CNTNAP3B: variants seen among roughly 807,000 people sequenced by gnomAD.
CNTNAP3B encodes contactin-associated protein-like 3B.
Under a neutral mutation model 108.9 loss-of-function variants are expected in CNTNAP3B, and 25 were observed. That is an observed-to-expected ratio of 0.23 (90% CI 0.17 to 0.32). The LOEUF (loss-of-function observed/expected upper bound fraction) is 0.32, where lower values mean the gene tolerates loss of function less well. Among genes scored for constraint, CNTNAP3B ranks in the 10% least tolerant of loss-of-function variants. The probability of loss-of-function intolerance (pLI) is 1.00; values close to 1 mark genes in which losing one functional copy is unlikely to be tolerated. For synonymous variants in CNTNAP3B, 103 were observed against 473.4 expected (o/e 0.22, Z 10.16); for missense variants, 252 against 1,210.4 (o/e 0.21, Z 11.75).
At chr9:42,041,440 C>T (rs927634194) in intron 3 of CNTNAP3B, among the ~76,000 whole-genome samples, 3 of 151,150 alleles carry the variant, frequency 2.0e-5, no homozygotes, top group African/African-American at 7.4e-5. Context: ...TATGAACAGA[C>T]ACTTCTCAAA....
rs1260934781 is a variant in CNTNAP3B at position 42,011,703 on chromosome 9, G to A, written c.538+1675C>T. On this transcript the variant is annotated intron_variant, in intron 4 of 23. Transcript: ENST00000377561. ...GATATTATAAGTCATTATAAGCAACGTTCTAGAAAACAAGCAGGGCAGTGG... is the reference window on the plus strand; with the variant it reads ...GATATTATAAGTCATTATAAGCAACATTCTAGAAAACAAGCAGGGCAGTGG... The A allele has an allele frequency of 1.8e-4, 12 of 68,566 alleles. 2 individuals are homozygous for A. The East Asian group carries it at 7.3e-3, about 42-fold the overall frequency. 4.2% of individuals were successfully genotyped at this position (68,566 alleles called of 1,614,324 possible). A position where few individuals can be genotyped will look rare whatever the true frequency, so the allele number is the denominator to read the frequency against.
At chr9:41,927,683 A>G (rs1440480151) in intron 15 of CNTNAP3B, among the ~76,000 whole-genome samples, 4 of 152,096 alleles carry the variant, frequency 2.6e-5, no homozygotes, top group African/African-American at 9.7e-5. Context: ...GTAAAATAAG[A>G]GCTAAAATAT....
intron 10 of CNTNAP3B, among the ~76,000 whole-genome samples, chr9:41,964,925 G>A (rs62556402): frequency 0.011 from 1,666 of 152,028 alleles, no homozygotes; most frequent in South Asian, 0.042. Context: ...CATGTGGCTA[G>A]CAAAACCAAT....
chr9:42,113,869 T>G (rs1206952952), intron 1 of CNTNAP3B, among the ~76,000 whole-genome samples: 1 of 139,450 alleles, frequency 7.2e-6, no homozygotes, highest in East Asian at 2.2e-4. Flanking sequence ...TGCACTTATT[T>G]CACATTGCAT....
chr9:41,950,733 C>T (rs1373112682), intron 13 of CNTNAP3B, among the ~76,000 whole-genome samples: 1 of 141,668 alleles, frequency 7.1e-6, no homozygotes. Context: ...AGCAATAGAG[C>T]AATAGGAGGA....
Position 41,939,629 on chromosome 9 carries a change from T to G in CNTNAP3B, c.2081-1229A>C, listed in dbSNP as rs1824272057. On this transcript the variant is annotated intron_variant, in intron 13 of 23. Transcript: ENST00000377561. ...AAGATATTTTTAAAAATTAATACAC[T>G]CTTCTCGGAATGCCACTTTAAAAGT... Among the ~76,000 whole-genome samples, 17 of 152,378 alleles carry G rather than the reference T, an allele frequency of 1.1e-4. No homozygotes were observed. In the South Asian group the frequency reaches 3.5e-3, roughly 32 times the overall value.
intron 15 of CNTNAP3B, among the ~76,000 whole-genome samples, chr9:41,927,463 G>C (rs1823852073): frequency 6.6e-6 from 1 of 151,386 alleles, no homozygotes; most frequent in Admixed American, 6.6e-5. Flanking sequence ...AGAGAGGGAG[G>C]GAGGGAGTGG....
At chr9:41,939,498 A>C (rs1824266824) in intron 13 of CNTNAP3B, among the ~76,000 whole-genome samples, 1 of 145,248 alleles carries the variant, frequency 6.9e-6, no homozygotes, top group Non-Finnish European at 1.5e-5. Context: ...CCCTCTGCCA[A>C]AAAACAAAAA....
chr9:42,026,593 G>T (rs1344933123), intron 3 of CNTNAP3B, among the ~76,000 whole-genome samples: 1 of 87,542 alleles, frequency 1.1e-5, no homozygotes, highest in Non-Finnish European at 2.4e-5. Context: ...CTCCGTCTCA[G>T]GGAAAAAAAA....
Position 41,993,402 on chromosome 9 carries a change from G to A in CNTNAP3B, c.1072-1531C>T, listed in dbSNP as rs1310294048. The A allele has an allele frequency of 3.4e-5, 4 of 117,370 alleles. 2 individuals are homozygous for A. The highest frequency in any genetic ancestry group is 7.1e-5 in the Non-Finnish European group (4 of 56,522). The allele number at this position is 117,370 out of a possible 1,614,324, so 7.3% of individuals were successfully genotyped here. A position where few individuals can be genotyped will look rare whatever the true frequency, so the allele number is the denominator to read the frequency against. On this transcript the variant is annotated intron_variant, in intron 7 of 23. Coordinates refer to ENST00000377561, the MANE Select transcript of CNTNAP3B (RefSeq NM_001201380.3). ...ATAATCTTTAATACACATTCTAACT[G>A]TATACATCAATCAGAACATTTCTTC...
At chr9:41,913,975 A>T (rs1280166610) in intron 18 of CNTNAP3B, among the ~76,000 whole-genome samples, 1 of 40,470 alleles carries the variant, frequency 2.5e-5, no homozygotes, top group East Asian at 4.3e-4. Flanking sequence ...ACATTTGTAT[A>T]CAAGTATCTG....
chr9:42,087,291 C>T lies in CNTNAP3B; in HGVS notation c.197-10229G>A, dbSNP rs1156689334. Among the ~76,000 whole-genome samples the T allele has an allele frequency of 8.8e-5, 12 of 136,728 alleles. 2 individuals are homozygous for T. The highest frequency in any genetic ancestry group is 7.2e-4 in the Admixed American group (10 of 13,800). The allele number at this position is 136,728 out of a possible 152,430, so 89.7% of individuals were successfully genotyped here. On this transcript the variant is annotated intron_variant, in intron 2 of 23. Transcript: ENST00000377561. Reference sequence around the variant, plus strand: ...TGGAGAGACAGTCCACTTTAAGCAGCTTGCACTCCTACATGTTTTGTTGGG... The same window carrying T: ...TGGAGAGACAGTCCACTTTAAGCAGTTTGCACTCCTACATGTTTTGTTGGG...
At chr9:42,087,611 A>G (rs1417625264) in intron 2 of CNTNAP3B, among the ~76,000 whole-genome samples, 1 of 144,402 alleles carries the variant, frequency 6.9e-6, no homozygotes, top group African/African-American at 2.6e-5. Flanking sequence ...TTGTGGTGCC[A>G]TGAGTAATAT....
At position 41,993,517 on chromosome 9, in the gene CNTNAP3B, C is replaced by T. The variant is rs1159868725; in HGVS notation, c.1072-1646G>A. ...GAAAATTTAAAAAAGAAAACATTTGCTGTAACGAACTAAATACCAAAAGCT... is the reference window on the plus strand; with the variant it reads ...GAAAATTTAAAAAAGAAAACATTTGTTGTAACGAACTAAATACCAAAAGCT... On this transcript the variant is annotated intron_variant, in intron 7 of 23. Transcript: ENST00000377561. The T allele has an allele frequency of 2.7e-5, 3 of 109,736 alleles. 1 individual carries two copies. The highest frequency in any genetic ancestry group is 5.7e-5 in the Non-Finnish European group (3 of 52,356). 6.8% of individuals were successfully genotyped at this position (109,736 alleles called of 1,614,324 possible).
chr9:41,940,796 C>G, intron 13 of CNTNAP3B, among the ~76,000 whole-genome samples: 1 of 152,200 alleles, frequency 6.6e-6, no homozygotes, highest in Admixed American at 6.5e-5. Context: ...GCCAGGGCGA[C>G]AGAGTGAGAC....
chr9:42,035,499 CACTAAAGGTGGG>C (rs1171145811), intron 3 of CNTNAP3B, among the ~76,000 whole-genome samples: 1 of 146,566 alleles, frequency 6.8e-6, no homozygotes, highest in East Asian at 2.0e-4. Flanking sequence ...TGGAACCACT[CACTAAAGGTGGG>C]ACTTTGGACA....
intron 4 of CNTNAP3B, among the ~76,000 whole-genome samples, chr9:42,003,709 T>C (rs1826046533): frequency 7.3e-6 from 1 of 137,160 alleles, no homozygotes; most frequent in Admixed American, 7.4e-5. Context: ...ACTGTAATCC[T>C]AGCACTTTAG....
chr9:41,956,013 CA>C (rs1373856924), intron 12 of CNTNAP3B, among the ~76,000 whole-genome samples: 1 of 152,232 alleles, frequency 6.6e-6, no homozygotes, highest in Non-Finnish European at 1.5e-5. Context: ...TCATCTAACA[CA>C]ATGCCTATTT....
At chr9:41,942,505 G>C (rs1295725744) in intron 13 of CNTNAP3B, among the ~76,000 whole-genome samples, 5 of 151,504 alleles carry the variant, frequency 3.3e-5, no homozygotes, top group East Asian at 1.9e-4. Flanking sequence ...CAGCTACTGG[G>C]GAGGCTGAGG....
Sources: gnomAD v4.1 joint callset for allele counts (sites outside exome capture counted in the v4.1 genomes callset) on GRCh38, gnomAD v4.1.1 for gene constraint, MANE v1.5 for transcripts, NCBI Gene and HGNC (gene_info 2026-07-23, HGNC 2026-07-21) for gene names.